MMADHC: variants seen among roughly 807,000 people sequenced by gnomAD.
MMADHC encodes metabolism of cobalamin associated D.
MMADHC carries 23 observed loss-of-function variants against 36.3 expected under a neutral mutation model. That is an observed-to-expected ratio of 0.63 (90% CI 0.46 to 0.90). The LOEUF is 0.90. Among genes scored for constraint, MMADHC ranks in the 40% least tolerant of loss-of-function variants. The pLI is 0.00. For missense variants in MMADHC, 330 were observed against 348.0 expected, an observed-to-expected ratio of 0.95 and a Z score of 0.41; for synonymous variants, 97 against 116.1, an observed-to-expected ratio of 0.84 and a Z score of 1.06.
chr2:149,583,393 G>C (rs568840445), intron 2 of MMADHC, among the ~76,000 whole-genome samples: 24 of 152,174 alleles, frequency 1.6e-4, no homozygotes, highest in African/African-American at 4.8e-4. Context: ...GTGAGGGTAG[G>C]TATAAGAATG....
At chr2:149,585,764 A>G (rs1046568643) in intron 2 of MMADHC, among the ~76,000 whole-genome samples, 3 of 152,198 alleles carry the variant, frequency 2.0e-5, no homozygotes, top group African/African-American at 7.2e-5. Flanking sequence ...CATTAGTAAC[A>G]TCCATCCACA....
At chr2:149,581,057 C>T (rs1558848408) in intron 3 of MMADHC, among the ~76,000 whole-genome samples, 1 of 152,156 alleles carries the variant, frequency 6.6e-6, no homozygotes, top group South Asian at 2.1e-4. Flanking sequence ...AAAAGTCTAA[C>T]AATCCCTAGA....
intron 3 of MMADHC, among the ~76,000 whole-genome samples, chr2:149,580,857 A>C (rs981128605): frequency 5.3e-5 from 8 of 152,174 alleles, no homozygotes; most frequent in African/African-American, 1.9e-4. Context: ...TCTGGGATCT[A>C]GTTTAAATGC....
At chr2:149,579,780 T>C in intron 3 of MMADHC, 132 bp from the exon 4 acceptor site, 1 of 810,832 alleles carries the variant, frequency 1.2e-6, no homozygotes, top group Non-Finnish European at 1.9e-6. Context: ...CCCATGTGAA[T>C]ATAAATAGTT....
At chr2:149,571,040 C>A (rs1033864065) in intron 7 of MMADHC, 45 bp downstream of exon 7, 1 of 1,379,804 alleles carries the variant, frequency 7.2e-7, no homozygotes, top group Non-Finnish European at 1.0e-6. Flanking sequence ...TAATAAAAAT[C>A]ATCTCTACTT....
At chr2:149,582,470 A>G (rs1325964530) in intron 2 of MMADHC, among the ~76,000 whole-genome samples, 199 bp from the exon 3 acceptor site, 2 of 152,188 alleles carry the variant, frequency 1.3e-5, no homozygotes, top group Admixed American at 6.5e-5. Context: ...AAAACAAGTA[A>G]TAAGTTAGTT....
intron 4 of MMADHC, among the ~76,000 whole-genome samples, chr2:149,577,060 A>T (rs937712152): frequency 6.6e-6 from 1 of 152,194 alleles, no homozygotes; most frequent in Non-Finnish European, 1.5e-5. Context: ...ATGGTAAAAA[A>T]TTCAGTCCTC....
Position 149,582,229 on chromosome 2 carries a change from A to G in MMADHC, c.52T>C (p.Phe18Leu), listed in dbSNP as rs768073505. 4.3e-6 allele frequency: 7 copies of G among 1,613,778 alleles called. No individual in the cohort carries two copies. The highest frequency in any genetic ancestry group is 5.9e-6 in the Non-Finnish European group (7 of 1,179,860). The change falls in exon 3 of 8, where the codon TTT becomes CTT. Residue 18 changes from phenylalanine to leucine, a missense_variant. Phe to Leu is a conservative substitution (Grantham distance 22). Coordinates refer to ENST00000303319, the MANE Select transcript of MMADHC (RefSeq NM_015702.3). ...RARLVSYLPGFCSLVKRVVNP... is the reference protein window; with the variant it reads ...RARLVSYLPGLCSLVKRVVNP... ...ACAACCCTTTTAACTAAAGAGCAAAATCCTGGGAGATAGGAAACCAGTCTG... is the reference window on the plus strand; with the variant it reads ...ACAACCCTTTTAACTAAAGAGCAAAGTCCTGGGAGATAGGAAACCAGTCTG...
At chr2:149,575,571 G>T in intron 6 of MMADHC, 140 bp downstream of exon 6, 1 of 600,994 alleles carries the variant, frequency 1.7e-6, no homozygotes, top group East Asian at 3.1e-5. Flanking sequence ...TCTCAAAAAA[G>T]ATGTAAGTCC....
At chr2:149,584,754 A>G (rs578242466) in intron 2 of MMADHC, among the ~76,000 whole-genome samples, 3 of 152,186 alleles carry the variant, frequency 2.0e-5, no homozygotes, top group Non-Finnish European at 4.4e-5. Context: ...AACCTGTGAG[A>G]TTCTCAAATC....
At chr2:149,586,824 C>G in intron 2 of MMADHC, 1 of 474,494 alleles carries the variant, frequency 2.1e-6, no homozygotes, top group Non-Finnish European at 3.7e-6. Flanking sequence ...TTTACTGAAA[C>G]GCTGTATTTA....
intron 1 of MMADHC, 180 bp from the exon 2 acceptor site, chr2:149,587,329 G>A (rs939495980): frequency 3.8e-5 from 23 of 599,462 alleles, no homozygotes; most frequent in Admixed American, 2.6e-4. Flanking sequence ...CCCCCAGCCC[G>A]GAGCCGGCAG....
At chr2:149,577,426 G>A (rs997049723) in intron 4 of MMADHC, among the ~76,000 whole-genome samples, 4 of 152,170 alleles carry the variant, frequency 2.6e-5, no homozygotes, top group African/African-American at 9.7e-5. Flanking sequence ...TGGCAGATAA[G>A]GTGGGAAAGG....
intron 3 of MMADHC, among the ~76,000 whole-genome samples, chr2:149,580,524 T>G (rs2105048863): frequency 6.6e-6 from 1 of 152,258 alleles, no homozygotes; most frequent in South Asian, 2.1e-4. Context: ...AAGAATAAAG[T>G]AGAAAATTAA....
At chr2:149,570,623 C>T (rs142325808) in intron 7 of MMADHC, among the ~76,000 whole-genome samples, 20 of 152,176 alleles carry the variant, frequency 1.3e-4, no homozygotes, top group African/African-American at 4.8e-4. Flanking sequence ...TAAAATGTGA[C>T]TACAGTGGTA....
intron 6 of MMADHC, among the ~76,000 whole-genome samples, chr2:149,573,892 G>A (rs1279688294): frequency 6.6e-6 from 1 of 151,898 alleles, no homozygotes; most frequent in Non-Finnish European, 1.5e-5. Flanking sequence ...ACCAGCTGAA[G>A]TATTTTTCTT....
rs566530487 is a variant in MMADHC at position 149,579,567 on chromosome 2, C to T, written c.236G>A (p.Gly79Asp). 19 of 1,613,870 alleles carry T rather than the reference C, an allele frequency of 1.2e-5. No homozygotes were observed. Among genetic ancestry groups the T allele is most frequent in the Non-Finnish European group, 1.6e-5 (19 of 1,179,982 alleles). The change falls in exon 4 of 8, where the codon GGT (glycine) becomes GAT (aspartate). Residue 79 changes from glycine to aspartate, a missense_variant. Gly to Asp is a moderately conservative substitution (Grantham distance 94, BLOSUM62 -1). Coordinates refer to ENST00000303319, the MANE Select transcript of MMADHC (RefSeq NM_015702.3). Reference protein sequence around the residue: ...DQRFQLPGNIGFDCHLNGTAS... With the variant: ...DQRFQLPGNIDFDCHLNGTAS... Reference sequence around the variant, plus strand: ...AGTCCCATTGAGGTGACAATCAAAACCTATGTTCCCAGGAAGCTGGAACCT... The same window carrying T: ...AGTCCCATTGAGGTGACAATCAAAATCTATGTTCCCAGGAAGCTGGAACCT...
intron 2 of MMADHC, among the ~76,000 whole-genome samples, chr2:149,584,362 T>C (rs1682833112): frequency 6.6e-6 from 1 of 152,236 alleles, no homozygotes; most frequent in Non-Finnish European, 1.5e-5. Context: ...ACATATACAT[T>C]GTTTTATTTA....
chr2:149,576,390 A>G, intron 5 of MMADHC, 47 bp downstream of exon 5: 1 of 1,248,464 alleles, frequency 8.0e-7, no homozygotes, highest in East Asian at 2.3e-5. Context: ...TATTCAACAT[A>G]TTAAAAAAAT....
Sources: allele counts gnomAD v4.1 joint callset (sites outside exome capture counted in the v4.1 genomes callset), GRCh38; gene constraint gnomAD v4.1.1; transcripts MANE v1.5; gene names NCBI Gene and HGNC (gene_info 2026-07-23, HGNC 2026-07-21).